The following CDC25C variants were observed in gnomAD, a reference collection of about 807,000 sequenced individuals.
CDC25C encodes M-phase inducer phosphatase 3.
CDC25C carries 48 observed loss-of-function variants against 52.5 expected under a neutral mutation model. The observed-to-expected ratio is 0.91, with a 90% CI of 0.72 to 1.16. The LOEUF is 1.16. Ranked by LOEUF, CDC25C falls within the 50% of genes most tolerant of loss-of-function variation. The probability of loss-of-function intolerance (pLI) is 0.00; values close to 1 mark genes in which losing one functional copy is unlikely to be tolerated. For synonymous variants in CDC25C, 187 were observed against 206.5 expected (o/e 0.91, Z 0.81); for missense variants, 510 against 566.1 (o/e 0.90, Z 1.01).
exon 1 of CDC25C, chr5:138,338,262 G>A (rs552456163): frequency 7.9e-6 from 8 of 1,008,730 alleles, no homozygotes; most frequent in South Asian, 5.3e-5. Context: ...CGAACCGAGC[G>A]CTCAGAGCTG....
At chr5:138,313,963 TTTTCTTTCTTTCTTTC>T (rs55833555) in intron 7 of CDC25C, among the ~76,000 whole-genome samples, 11 of 106,376 alleles carry the variant, frequency 1.0e-4, no homozygotes, top group African/African-American at 3.4e-4. Context: ...CTATGTCCCT[TTTTCTTTCTTTCTTTC>T]TTTCTTTCTT....
intron 6 of CDC25C, among the ~76,000 whole-genome samples, chr5:138,321,073 T>C (rs1396615794): frequency 6.6e-6 from 1 of 151,154 alleles, no homozygotes; most frequent in Non-Finnish European, 1.5e-5. Flanking sequence ...CCAGCAGAGG[T>C]GACAGAGTGA....
At chr5:138,290,199 G>A (rs780770727) in intron 9 of CDC25C, among the ~76,000 whole-genome samples, 1 of 152,130 alleles carries the variant, frequency 6.6e-6, no homozygotes, top group African/African-American at 2.4e-5. Context: ...AGCAAAAACT[G>A]TATTTGTATA....
intron 7 of CDC25C, among the ~76,000 whole-genome samples, chr5:138,305,524 C>G (rs1308704531): frequency 2.6e-5 from 4 of 152,162 alleles, no homozygotes; most frequent in Admixed American, 1.3e-4. Flanking sequence ...ACCTCAGCCT[C>G]TGGAGTAGCT....
At position 138,300,435 on chromosome 5, in the gene CDC25C, T is replaced by C. The variant is rs1012987988; in HGVS notation, c.616-8319A>G. ...AAAATTAGCTGGGTACAGTGGTGCA[T>C]GCCTGTAGTCCCAGCTACTTGGGAG... On this transcript the variant is annotated intron_variant, in intron 7 of 13. Transcript: ENST00000323760. Among the ~76,000 whole-genome samples, 24 of 152,138 alleles carry C rather than the reference T, an allele frequency of 1.6e-4. No individual in the cohort carries two copies. In the East Asian group the frequency reaches 4.6e-3, roughly 29 times the overall value.
In CDC25C at chr5:138,329,066, A is replaced by G. The variant is rs543882452; in HGVS notation, c.289+487T>C. Reference sequence around the variant, plus strand: ...CCTACAGGCACGTGCCACCATGCCAAACTAACTTTTGTATTTTTAGTAGAG... The same window carrying G: ...CCTACAGGCACGTGCCACCATGCCAGACTAACTTTTGTATTTTTAGTAGAG... On this transcript the variant is annotated intron_variant, in intron 3 of 13. Coordinates refer to ENST00000323760, the MANE Select transcript of CDC25C (RefSeq NM_001790.5). Among the ~76,000 whole-genome samples, 9 of 152,176 alleles carry G rather than the reference A, an allele frequency of 5.9e-5. No homozygotes were observed. In the South Asian group the frequency reaches 1.2e-3, roughly 21 times the overall value.
chr5:138,322,405 T>G (rs1159721325), intron 6 of CDC25C, among the ~76,000 whole-genome samples: 1 of 150,982 alleles, frequency 6.6e-6, no homozygotes, highest in African/African-American at 2.4e-5. Flanking sequence ...GTTCAACTGA[T>G]TCTCCTGCCT....
chr5:138,313,213 T>G (rs1391257774), intron 7 of CDC25C, among the ~76,000 whole-genome samples: 1 of 151,580 alleles, frequency 6.6e-6, no homozygotes, highest in Non-Finnish European at 1.5e-5. Context: ...TTGTCTCTAC[T>G]AAAAATACAA....
intron 7 of CDC25C, among the ~76,000 whole-genome samples, chr5:138,311,173 G>A (rs1456836656): frequency 6.6e-6 from 1 of 152,138 alleles, no homozygotes; most frequent in Admixed American, 6.5e-5. Flanking sequence ...CCATATTGTA[G>A]CCAACACTGC....
chr5:138,287,700 A>C, intron 10 of CDC25C, among the ~76,000 whole-genome samples: 1 of 152,228 alleles, frequency 6.6e-6, no homozygotes, highest in Non-Finnish European at 1.5e-5. Context: ...TTGATACCTA[A>C]AGGAAGGAAG....
At chr5:138,302,154 C>T (rs1404213085) in intron 7 of CDC25C, among the ~76,000 whole-genome samples, 1 of 151,300 alleles carries the variant, frequency 6.6e-6, no homozygotes, top group African/African-American at 2.4e-5. Context: ...GCCACCATGC[C>T]CGGCTAGTTT....
chr5:138,296,404 T>TTTTGTA (rs1212614467), intron 7 of CDC25C, among the ~76,000 whole-genome samples: 4 of 151,440 alleles, frequency 2.6e-5, no homozygotes, highest in Admixed American at 2.0e-4. Flanking sequence ...CCTGGCTAAT[T>TTTTGTA]TTTGTATTTG....
chr5:138,289,919 G>T (rs1283192162), intron 9 of CDC25C, among the ~76,000 whole-genome samples: 1 of 151,914 alleles, frequency 6.6e-6, no homozygotes, highest in Non-Finnish European at 1.5e-5. Flanking sequence ...AATGAAATGG[G>T]CTGGGCATGG....
intron 7 of CDC25C, among the ~76,000 whole-genome samples, chr5:138,296,190 T>C (rs1183878423): frequency 6.6e-6 from 1 of 152,176 alleles, no homozygotes; most frequent in African/African-American, 2.4e-5. Flanking sequence ...TACTCCATTT[T>C]TGATGGCTTT....
chr5:138,320,819 G>A (rs1005253790), intron 6 of CDC25C, among the ~76,000 whole-genome samples: 1 of 140,766 alleles, frequency 7.1e-6, no homozygotes, highest in Non-Finnish European at 1.5e-5. Flanking sequence ...GGGAGGTTAA[G>A]GCATAAGAAT....
At chr5:138,319,560 A>C (rs888608248) in intron 6 of CDC25C, among the ~76,000 whole-genome samples, 186 bp from the exon 7 acceptor site, 2 of 152,226 alleles carry the variant, frequency 1.3e-5, no homozygotes, top group African/African-American at 4.8e-5. Context: ...CTTCATCAAA[A>C]TGGAAAACTT....
Position 138,305,579 on chromosome 5 carries a change from T to C in CDC25C, c.616-13463A>G, listed in dbSNP as rs779562144. Among the ~76,000 whole-genome samples the C allele has an allele frequency of 1.7e-4, 26 of 152,094 alleles. 1 individual carries two copies. Among genetic ancestry groups the C allele is most frequent in the Non-Finnish European group, 3.2e-4 (22 of 68,026 alleles). ...ACCATGCCTGGCTAATTTTTATTTT[T>C]TTGTAGCGATGGGGGCTTACTGTGT... is the stretch of plus-strand genomic sequence containing the variant. On this transcript the variant is annotated intron_variant, in intron 7 of 13. Transcript: ENST00000323760.
At chr5:138,338,287 C>G (rs781072438) in exon 1 of CDC25C, 2 of 818,320 alleles carry the variant, frequency 2.4e-6, no homozygotes, top group Admixed American at 2.4e-5. Context: ...GGCCGCGGCC[C>G]TGGGAGCTGG....
chr5:138,285,782 C>A lies in CDC25C; in HGVS notation c.1332G>T (p.Leu444Phe), dbSNP rs764036247. The A allele has an allele frequency of 1.2e-6, 2 of 1,614,192 alleles. No homozygotes were observed. Among genetic ancestry groups the A allele is most frequent in the Non-Finnish European group, 1.7e-6 (2 of 1,180,006 alleles). The stretch of plus-strand genomic sequence containing the variant: ...CTTTGCTCTGGCTTCGACACCTCAG[C>A]AACTCAGTCTTGTGGTCCTGATGAT... ...PMHHQDHKTE[L>F]LRCRSQSKVQ... Residue 444 changes from leucine (L) to phenylalanine (F), a missense_variant, in exon 14 of 14, where the codon TTG (leucine) becomes TTT (phenylalanine). Coordinates refer to ENST00000323760, the MANE Select transcript of CDC25C (RefSeq NM_001790.5).
Sources: gnomAD v4.1 joint callset for allele counts (sites outside exome capture counted in the v4.1 genomes callset) on GRCh38, gnomAD v4.1.1 for gene constraint, MANE v1.5 for transcripts, NCBI Gene and HGNC (gene_info 2026-07-23, HGNC 2026-07-21) for gene names.